The following TXNRD3 variants were observed in gnomAD, a reference collection of about 807,000 sequenced individuals.
TXNRD3 encodes TXNRD3 neighbor gene protein.
A neutral mutation model predicts 78.2 loss-of-function variants in TXNRD3; 68 were observed. The observed-to-expected ratio is 0.87, with a 90% CI of 0.72 to 1.06. The LOEUF is 1.06. Among genes scored for constraint, TXNRD3 ranks in the 50% least tolerant of loss-of-function variants. TXNRD3 has a pLI of 0.00. For missense variants in TXNRD3, 751 were observed against 809.5 expected (o/e 0.93, Z 0.88); for synonymous variants, 296 against 300.1 (o/e 0.99, Z 0.14).
chr3:126,637,296 C>A (rs1932932051), intron 6 of TXNRD3, among the ~76,000 whole-genome samples: 1 of 152,160 alleles, frequency 6.6e-6, no homozygotes, highest in Admixed American at 6.5e-5. Flanking sequence ...TCTGATGCTG[C>A]ATATCTGTAT....
chr3:126,643,046 T>A (rs2107625770), intron 5 of TXNRD3, among the ~76,000 whole-genome samples: 1 of 152,280 alleles, frequency 6.6e-6, no homozygotes, highest in South Asian at 2.1e-4. Flanking sequence ...GCAAGGAGAC[T>A]GAGTGCCACC....
chr3:126,615,716 T>C (rs1576281285), intron 12 of TXNRD3, among the ~76,000 whole-genome samples: 1 of 151,778 alleles, frequency 6.6e-6, no homozygotes, highest in Admixed American at 6.6e-5. Context: ...GACTCGGAGG[T>C]CTAAGAACCA....
chr3:126,648,679 T>C (rs1018306201), intron 1 of TXNRD3, among the ~76,000 whole-genome samples: 28 of 152,180 alleles, frequency 1.8e-4, no homozygotes, highest in Non-Finnish European at 3.7e-4. Context: ...CCTAACGCCA[T>C]GTATGGAAAT....
chr3:126,634,771 C>T (rs2107620752), intron 6 of TXNRD3, among the ~76,000 whole-genome samples: 1 of 152,268 alleles, frequency 6.6e-6, no homozygotes, highest in East Asian at 1.9e-4. Context: ...GGGCTTTCAT[C>T]ATAACTGGAT....
chr3:126,623,586 G>C (rs1024043006), intron 10 of TXNRD3, among the ~76,000 whole-genome samples: 2 of 152,022 alleles, frequency 1.3e-5, no homozygotes, highest in Admixed American at 6.6e-5. Context: ...ACAGAATAAA[G>C]GAGAAAACAA....
chr3:126,637,939 T>C (rs1242498686), intron 6 of TXNRD3, among the ~76,000 whole-genome samples: 14 of 108,460 alleles, frequency 1.3e-4, no homozygotes, highest in Admixed American at 1.1e-3. Flanking sequence ...TCTCTTTTTT[T>C]TTTTTTTTTT....
At chr3:126,653,157 G>C (rs1576299953) in intron 1 of TXNRD3, among the ~76,000 whole-genome samples, 1 of 152,124 alleles carries the variant, frequency 6.6e-6, no homozygotes, top group African/African-American at 2.4e-5. Context: ...TTAAAAGTCT[G>C]GTGATTTCTT....
intron 5 of TXNRD3, 72 bp from the exon 6 acceptor site, chr3:126,642,223 A>C: frequency 6.9e-7 from 1 of 1,439,674 alleles, no homozygotes; most frequent in Non-Finnish European, 9.1e-7. Flanking sequence ...TATTATATTA[A>C]AACATGTGGA....
At chr3:126,629,102 T>C (rs1559774919) in intron 10 of TXNRD3, among the ~76,000 whole-genome samples, 1 of 152,082 alleles carries the variant, frequency 6.6e-6, no homozygotes, top group Non-Finnish European at 1.5e-5. Flanking sequence ...TTAAGAAATG[T>C]ATAAAATATC....
chr3:126,634,516 A>T (rs1462665767), intron 6 of TXNRD3, among the ~76,000 whole-genome samples: 1 of 152,214 alleles, frequency 6.6e-6, no homozygotes, highest in East Asian at 1.9e-4. Context: ...GTTTCATGAC[A>T]GTGAATATCT....
At chr3:126,654,412 G>C (rs1933459689) in intron 1 of TXNRD3, among the ~76,000 whole-genome samples, 1 of 152,176 alleles carries the variant, frequency 6.6e-6, no homozygotes, top group South Asian at 2.1e-4. Context: ...CGGATTCCTA[G>C]TCCGCCCCGA....
chr3:126,625,198 A>C (rs1165333018), intron 10 of TXNRD3: 1 of 151,460 alleles, frequency 6.6e-6, no homozygotes, highest in African/African-American at 2.4e-5. Context: ...GTACATGTGC[A>C]TAATGTGCAG....
At chr3:126,628,765 A>G (rs1313994238) in intron 10 of TXNRD3, among the ~76,000 whole-genome samples, 6 of 152,218 alleles carry the variant, frequency 3.9e-5, no homozygotes, top group Middle Eastern at 6.8e-3. Flanking sequence ...TATATATCCA[A>G]TCCAATCCTA....
chr3:126,653,440 G>T (rs780623618), intron 1 of TXNRD3, among the ~76,000 whole-genome samples: 1 of 152,240 alleles, frequency 6.6e-6, no homozygotes, highest in Non-Finnish European at 1.5e-5. Context: ...TTTCACAGAA[G>T]AGGAAGCTCA....
chr3:126,646,348 CT>C (rs1933233797), intron 2 of TXNRD3, 128 bp from the exon 3 acceptor site: 2 of 613,060 alleles, frequency 3.3e-6, no homozygotes, highest in Non-Finnish European at 5.0e-6. Context: ...TGTTATATAA[CT>C]TTATGAAATG....
chr3:126,638,463 G>A (rs962897065), intron 6 of TXNRD3, among the ~76,000 whole-genome samples: 1 of 152,304 alleles, frequency 6.6e-6, no homozygotes, highest in Non-Finnish European at 1.5e-5. Context: ...GCCGGGCACG[G>A]TGGCTCATGT....
At chr3:126,642,226 C>T in intron 5 of TXNRD3, 75 bp from the exon 6 acceptor site, 3 of 1,437,382 alleles carry the variant, frequency 2.1e-6, no homozygotes, top group Non-Finnish European at 2.7e-6. Context: ...TATATTAAAA[C>T]ATGTGGAAAT....
chr3:126,646,912 C>T (rs147336200), intron 2 of TXNRD3, among the ~76,000 whole-genome samples: 2 of 152,160 alleles, frequency 1.3e-5, no homozygotes, highest in Admixed American at 6.5e-5. Flanking sequence ...GAAATGGGAG[C>T]GGATCCTTTT....
intron 6 of TXNRD3, among the ~76,000 whole-genome samples, chr3:126,637,928 CTCTCTTTT>C (rs1932944809): frequency 2.8e-5 from 3 of 107,876 alleles, no homozygotes; most frequent in Non-Finnish European, 3.8e-5. Flanking sequence ...CTATATTTCT[CTCTCTTTT>C]TTTTTTTTTT....
Sources: gnomAD v4.1 joint callset for allele counts (sites outside exome capture counted in the v4.1 genomes callset) on GRCh38, gnomAD v4.1.1 for gene constraint, MANE v1.5 for transcripts, NCBI Gene and HGNC (gene_info 2026-07-23, HGNC 2026-07-21) for gene names.